Variants in NOX4 observed in about 807,000 individuals in gnomAD.
The protein encoded by NOX4 is NADPH oxidase 4.
NOX4 carries 69 observed loss-of-function variants against 87.6 expected under a neutral mutation model. The observed-to-expected ratio is 0.79, with a 90% confidence interval of 0.65 to 0.96. NOX4 has a LOEUF of 0.96. NOX4 is among the 40% of genes least tolerant of loss of function. The probability of loss-of-function intolerance (pLI) is 0.00; values close to 1 mark genes in which losing one functional copy is unlikely to be tolerated. For synonymous variants in NOX4, 275 were observed against 238.2 expected, an observed-to-expected ratio of 1.15 and a Z score of -1.42; for missense variants, 680 against 681.5, an observed-to-expected ratio of 1.00 and a Z score of 0.02.
At chr11:89,440,378 G>A (rs1423589001) in intron 6 of NOX4, among the ~76,000 whole-genome samples, 1 of 152,014 alleles carries the variant, frequency 6.6e-6, no homozygotes, top group East Asian at 1.9e-4. Flanking sequence ...GGAGTGCAGT[G>A]GCGCGATCTC....
At chr11:89,335,135 A>G (rs1016940385) in intron 17 of NOX4, among the ~76,000 whole-genome samples, 69 of 151,814 alleles carry the variant, frequency 4.5e-4, no homozygotes, top group African/African-American at 1.6e-3. Context: ...TTAGATGTAA[A>G]CCTAAAAATA....
intron 2 of NOX4, among the ~76,000 whole-genome samples, chr11:89,489,310 G>GA (rs1199800147): frequency 6.6e-6 from 1 of 151,514 alleles, no homozygotes; most frequent in African/African-American, 2.4e-5. Context: ...ATTAAACCAT[G>GA]AAAAAAAATA....
the NOX4 span, among the ~76,000 whole-genome samples, chr11:89,514,013 A>G: frequency 6.6e-6 from 1 of 152,066 alleles, no homozygotes; most frequent in Non-Finnish European, 1.5e-5. Context: ...CTAGAACCAC[A>G]AGGTAAATAA....
At chr11:89,553,256 G>A in the NOX4 span, among the ~76,000 whole-genome samples, 416 of 152,248 alleles carry the variant, frequency 2.7e-3, 3 homozygotes, top group African/African-American at 9.5e-3. Flanking sequence ...CCTGGTGGGA[G>A]GTGATTGGAT....
chr11:89,418,622 G>A (rs1161332219), intron 8 of NOX4, among the ~76,000 whole-genome samples: 1 of 151,740 alleles, frequency 6.6e-6, no homozygotes, highest in Non-Finnish European at 1.5e-5. Flanking sequence ...TTAGAAAAGT[G>A]GGCGACTTAA....
the NOX4 span, among the ~76,000 whole-genome samples, chr11:89,537,348 T>C: frequency 2.0e-5 from 3 of 151,832 alleles, no homozygotes; most frequent in Non-Finnish European, 4.4e-5. Context: ...AAAAGCATAT[T>C]TATATCTTTT....
chr11:89,476,580 A>T (rs961223928), intron 2 of NOX4, among the ~76,000 whole-genome samples: 3 of 152,184 alleles, frequency 2.0e-5, no homozygotes, highest in African/African-American at 7.2e-5. Flanking sequence ...AAACAAAATG[A>T]ACAACTTATT....
intron 2 of NOX4, among the ~76,000 whole-genome samples, chr11:89,478,950 G>A (rs1946278652): frequency 6.6e-6 from 1 of 151,364 alleles, no homozygotes; most frequent in African/African-American, 2.4e-5. Context: ...GATCATGCCT[G>A]TGAATAGCCA....
At chr11:89,441,032 G>A (rs1944432046) in intron 5 of NOX4, among the ~76,000 whole-genome samples, 1 of 152,206 alleles carries the variant, frequency 6.6e-6, no homozygotes, top group South Asian at 2.1e-4. Context: ...TGACCATTTT[G>A]AAACTCAATA....
At chr11:89,381,969 C>A (rs1259178702) in intron 11 of NOX4, among the ~76,000 whole-genome samples, 1 of 152,088 alleles carries the variant, frequency 6.6e-6, no homozygotes, top group Non-Finnish European at 1.5e-5. Flanking sequence ...GCATTTTATC[C>A]GTGAACCCAA....
chr11:89,453,690 TC>T (rs1945064703), intron 2 of NOX4, among the ~76,000 whole-genome samples: 1 of 152,184 alleles, frequency 6.6e-6, no homozygotes, highest in South Asian at 2.1e-4. Context: ...AACGATATTG[TC>T]TTCCTTCTTA....
rs1054102222 is a variant in NOX4 at position 89,460,631 on chromosome 11, T to C, written c.154-8736A>G. On this transcript the variant is annotated intron_variant, in intron 2 of 17. Transcript: ENST00000263317. ...AGATACCATCTCACACCAGTTAGAA[T>C]GGTGATCATTAAAAAGTCAGGAAAC... 2.0e-5 allele frequency among the ~76,000 whole-genome samples: 3 copies of C among 152,240 alleles called. No individual in the cohort carries two copies. The South Asian group carries it at 6.2e-4, about 32-fold the overall frequency.
chr11:89,546,833 T>C, the NOX4 span: 2 of 152,218 alleles, frequency 1.3e-5, no homozygotes, highest in East Asian at 3.9e-4. Flanking sequence ...ATTCACCCAA[T>C]TACAAGGGCA....
intron 2 of NOX4, among the ~76,000 whole-genome samples, chr11:89,456,874 G>A (rs1157817565): frequency 6.6e-6 from 1 of 152,154 alleles, no homozygotes; most frequent in African/African-American, 2.4e-5. Context: ...GTCAGCCTTT[G>A]AGAGACTGTT....
At chr11:89,505,644 T>A in the NOX4 span, among the ~76,000 whole-genome samples, 1 of 151,732 alleles carries the variant, frequency 6.6e-6, no homozygotes, top group Non-Finnish European at 1.5e-5. Context: ...TAAAAACATC[T>A]TGTGGTATTT....
intron 2 of NOX4, among the ~76,000 whole-genome samples, chr11:89,465,201 T>C (rs1367303082): frequency 1.3e-5 from 2 of 152,118 alleles, no homozygotes; most frequent in Non-Finnish European, 2.9e-5. Flanking sequence ...GTTCTCATTG[T>C]TCAACTCCCA....
At chr11:89,501,935 A>T (rs189494696), upstream of NOX4, among the ~76,000 whole-genome samples, 6 of 152,190 alleles carry the variant, frequency 3.9e-5, no homozygotes, top group East Asian at 9.7e-4. Flanking sequence ...TTTTTGTTGC[A>T]GTTATCCTGT....
the NOX4 span, among the ~76,000 whole-genome samples, chr11:89,509,174 T>G: frequency 6.6e-6 from 1 of 152,070 alleles, no homozygotes; most frequent in African/African-American, 2.4e-5. Flanking sequence ...CTAATTACCA[T>G]TTTTCTTCCA....
At chr11:89,373,630 T>A (rs933475077) in intron 11 of NOX4, 138 bp from the exon 12 acceptor site, 35 of 559,796 alleles carry the variant, frequency 6.3e-5, no homozygotes, top group Non-Finnish European at 1.0e-4. Flanking sequence ...TCTATACAGA[T>A]CCTTATTAGT....
Sources: allele counts gnomAD v4.1 joint callset (sites outside exome capture counted in the v4.1 genomes callset), GRCh38; gene constraint gnomAD v4.1.1; transcripts MANE v1.5; gene names NCBI Gene and HGNC (gene_info 2026-07-23, HGNC 2026-07-21).